The following TTLL8 variants were observed in gnomAD, a reference collection of about 807,000 sequenced individuals.
TTLL8 encodes the protein protein monoglycylase TTLL8.
Under a neutral mutation model 77.8 loss-of-function variants are expected in TTLL8, and 65 were observed. The observed-to-expected ratio is 0.84, with a 90% confidence interval of 0.68 to 1.03. The LOEUF (loss-of-function observed/expected upper bound fraction) is 1.03. Ranked by LOEUF, TTLL8 falls within the 50% of genes least tolerant of loss-of-function variation. TTLL8 has a pLI of 0.00. For synonymous variants in TTLL8, 402 were observed against 422.8 expected (o/e 0.95, Z 0.60); for missense variants, 910 against 1,004.5 (o/e 0.91, Z 1.27).
chr22:50,034,479 C>A lies in TTLL8; in HGVS notation c.922-17G>T, dbSNP rs201073925. 25 of 1,364,756 alleles carry A rather than the reference C, an allele frequency of 1.8e-5. No homozygotes were observed. Among genetic ancestry groups the A allele is most frequent in the Admixed American group, 7.6e-5 (4 of 52,450 alleles). The allele number at this position is 1,364,756 out of a possible 1,614,324, so 84.5% of individuals were successfully genotyped here. A position where few individuals can be genotyped will look rare whatever the true frequency, so the allele number is the denominator to read the frequency against. On this transcript the variant is annotated splice_polypyrimidine_tract_variant and intron_variant, in intron 8 of 13. Transcript: ENST00000266182. The surrounding 1 kb of genome is among the most constrained non-coding windows in gnomAD (Gnocchi z 4.1). The stretch of plus-strand genomic sequence containing the variant: ...AGCCTGGCACTGCGAAAAGTAATTT[C>A]TTGAATTGGAGATGAAAGCATCGCC...
intron 12 of TTLL8, among the ~76,000 whole-genome samples, chr22:50,021,609 G>A (rs1350327098): frequency 4.1e-4 from 55 of 132,634 alleles, no homozygotes; most frequent in Admixed American, 1.9e-3. Context: ...ATCTGACGAC[G>A]TGCACTCCTC....
chr22:50,041,727 G>C lies in TTLL8; in HGVS notation c.724C>G (p.Leu242Val). 1 of 1,366,348 alleles carries C rather than the reference G, an allele frequency of 7.3e-7. No homozygotes were observed. The highest frequency in any genetic ancestry group is 9.8e-7 in the Non-Finnish European group (1 of 1,021,398). 84.6% of individuals were successfully genotyped at this position (1,366,348 alleles called of 1,614,324 possible). Residue 242 changes from leucine to valine, a missense_variant, in exon 7 of 14, where the codon CTG (leucine) becomes GTG (valine). Physicochemically the swap from Leu to Val is conservative, Grantham distance 32. Transcript: ENST00000266182. The surrounding 1 kb of genome is among the most constrained non-coding windows in gnomAD (Gnocchi z 4.3). ...ATGTCCTCATGCTCCAGCTGCCCCAGGTAGGCCTGGCACACCTTGCACGCG... is the reference window on the plus strand; with the variant it reads ...ATGTCCTCATGCTCCAGCTGCCCCACGTAGGCCTGGCACACCTTGCACGCG...
chr22:50,050,008 AG>A, intron 2 of TTLL8, 100 bp downstream of exon 4: 1 of 1,257,990 alleles, frequency 7.9e-7, no homozygotes, highest in South Asian at 1.3e-5. Flanking sequence ...CACGCACACC[AG>A]GGCCGAGGGG....
At position 50,034,172 on chromosome 22, in the gene TTLL8, G is replaced by T; in HGVS notation, c.1039+173C>A. On this transcript the variant is annotated intron_variant, in intron 9 of 13. Coordinates refer to ENST00000266182, the Ensembl canonical transcript of TTLL8. The surrounding 1 kb of genome is among the most constrained non-coding windows in gnomAD (Gnocchi z 4.1). ...TGATCGGAACACATGCTGTGAAGAC[G>T]CCTCCAGCTCTGCTCCAGCGCCTGA... 1.9e-6 allele frequency: 1 copy of T among 521,176 alleles called. No homozygotes were observed. Among genetic ancestry groups the T allele is most frequent in the Non-Finnish European group, 2.5e-6 (1 of 405,920 alleles). The allele number at this position is 521,176 out of a possible 1,614,324, so 32.3% of individuals were successfully genotyped here.
chr22:50,020,976 C>T (rs2061193999), intron 12 of TTLL8, among the ~76,000 whole-genome samples: 2 of 149,108 alleles, frequency 1.3e-5, no homozygotes, highest in African/African-American at 2.5e-5. Flanking sequence ...TGCACTCCTC[C>T]ATCTGACGTG....
At chr22:50,051,854 A>T (rs1339431491) in intron 1 of TTLL8, among the ~76,000 whole-genome samples, 1 of 152,152 alleles carries the variant, frequency 6.6e-6, no homozygotes, top group African/African-American at 2.4e-5. Context: ...GAATTGAAAA[A>T]TAAGTTGATT....
intron 12 of TTLL8, among the ~76,000 whole-genome samples, chr22:50,029,778 C>T (rs926088898): frequency 2.6e-5 from 4 of 152,032 alleles, no homozygotes; most frequent in African/African-American, 9.7e-5. Flanking sequence ...CCTAAAGACC[C>T]CCACCACGCC....
chr22:50,030,774 G>A (rs1457977430), exon 12 of TTLL8: 1 of 1,346,118 alleles, frequency 7.4e-7, no homozygotes, highest in Non-Finnish European at 9.9e-7. Flanking sequence ...TGGCATGGCC[G>A]AGGGGCCCCG....
rs111953900 is a variant in TTLL8 at position 50,029,371 on chromosome 22, C to T, written c.2203+1059G>A. Among the ~76,000 whole-genome samples, 55 of 119,186 alleles carry T rather than the reference C, an allele frequency of 4.6e-4. 1 individual carries two copies. Among genetic ancestry groups the T allele is most frequent in the African/African-American group, 8.7e-4 (25 of 28,722 alleles). The allele number at this position is 119,186 out of a possible 152,430, so 78.2% of individuals were successfully genotyped here. On this transcript the variant is annotated intron_variant, in intron 12 of 13. Coordinates refer to ENST00000266182, the Ensembl canonical transcript of TTLL8. ...TCACACCGTCCTAAAGACCCCCACA[C>T]ACCCTCGTAAAGACCCCATCACACC...
upstream of TTLL8, among the ~76,000 whole-genome samples, chr22:50,057,770 G>A (rs2061491833): frequency 6.7e-6 from 1 of 149,594 alleles, no homozygotes; most frequent in Admixed American, 6.6e-5. Flanking sequence ...GGTCTAGGTC[G>A]AGGGGGAGGT....
chr22:50,041,352 C>T lies in TTLL8; in HGVS notation c.831-75G>A. 1 of 601,576 alleles carries T rather than the reference C, an allele frequency of 1.7e-6. No homozygotes were observed. The highest frequency in any genetic ancestry group is 1.5e-5 in the South Asian group (1 of 65,698). 37.3% of individuals were successfully genotyped at this position (601,576 alleles called of 1,614,324 possible). ...GCAACAGAGGGCCTGGGCACCCCGACACCCATAAGGCACCCCAAGATCCAG... is the reference window on the plus strand; with the variant it reads ...GCAACAGAGGGCCTGGGCACCCCGATACCCATAAGGCACCCCAAGATCCAG... On this transcript the variant is annotated intron_variant, in intron 7 of 13. Transcript: ENST00000266182. This position sits in a 1 kb window ranked among gnomAD's most constrained non-coding sequence, Gnocchi z 4.3.
rs766476425 is a variant in TTLL8 at position 50,034,360 on chromosome 22, G to A, written c.1024C>T (p.Arg342Ter). Residue 342 changes from arginine to a stop codon, truncating the protein, a stop_gained, in exon 9 of 14, where the codon CGA becomes TGA. Transcript: ENST00000266182. LOFTEE classifies it high-confidence loss of function. The surrounding 1 kb of genome is among the most constrained non-coding windows in gnomAD (Gnocchi z 4.1). ...GCATCCGCACCAGGGGACTCACCTC[G>A]GCCCCGGGACTTGGCCGCGGGCTTT... The A allele has an allele frequency of 3.7e-6, 5 of 1,366,160 alleles. No individual in the cohort carries two copies. Among genetic ancestry groups the A allele is most frequent in the Non-Finnish European group, 4.9e-6 (5 of 1,021,734 alleles). 84.6% of individuals were successfully genotyped at this position (1,366,160 alleles called of 1,614,324 possible).
chr22:50,050,837 G>T (rs9628318), intron 1 of TTLL8, among the ~76,000 whole-genome samples: 1 of 152,124 alleles, frequency 6.6e-6, no homozygotes, highest in Admixed American at 6.6e-5. Flanking sequence ...GATGTATCAC[G>T]ACCCTTTCAC....
At chr22:50,033,279 G>T (rs778998656) in exon 10 of TTLL8, 2 of 1,362,522 alleles carry the variant, frequency 1.5e-6, no homozygotes, top group South Asian at 2.3e-5. Flanking sequence ...TGGTCAGGGG[G>T]TTCCAGTCCG....
At chr22:50,035,164 AG>A (rs2061327065) in intron 8 of TTLL8, among the ~76,000 whole-genome samples, 1 of 152,048 alleles carries the variant, frequency 6.6e-6, no homozygotes, top group South Asian at 2.1e-4. Flanking sequence ...GGCCCGCTGG[AG>A]CCGTCCTGCG....
intron 12 of TTLL8, among the ~76,000 whole-genome samples, chr22:50,025,686 A>G (rs1291780184): frequency 2.0e-5 from 3 of 152,294 alleles, no homozygotes; most frequent in Admixed American, 6.5e-5. Context: ...AAAAACCACT[A>G]CAAGTAACTA....
chr22:50,027,168 G>T (rs1240422383), intron 12 of TTLL8, among the ~76,000 whole-genome samples: 1 of 151,162 alleles, frequency 6.6e-6, no homozygotes, highest in African/African-American at 2.4e-5. Flanking sequence ...CCCAGGAGGT[G>T]GATGTTGCAG....
chr22:50,033,759 G>T (rs2061316065), intron 9 of TTLL8, among the ~76,000 whole-genome samples: 1 of 152,254 alleles, frequency 6.6e-6, no homozygotes, highest in Non-Finnish European at 1.5e-5. Flanking sequence ...AGGAGGATGG[G>T]CATGGTGGCT....
intron 8 of TTLL8, among the ~76,000 whole-genome samples, chr22:50,036,247 T>C (rs1182975571): frequency 1.3e-5 from 2 of 152,196 alleles, no homozygotes; most frequent in Non-Finnish European, 2.9e-5. Context: ...GAATCTCCCC[T>C]GGACGCCCAC....
Sources: gnomAD v4.1 joint callset for allele counts (sites outside exome capture counted in the v4.1 genomes callset) on GRCh38, gnomAD v4.1.1 for gene constraint, Gnocchi (gnomAD v3.1) non-coding constraint, MANE v1.5 for transcripts, NCBI Gene and HGNC (gene_info 2026-07-23, HGNC 2026-07-21) for gene names.